RALYL: variants seen among roughly 807,000 people sequenced by gnomAD.
RALYL encodes the protein RALY RNA binding protein like, also known as RNA-binding Raly-like protein.
RALYL carries 29 observed loss-of-function variants against 35.1 expected under a neutral mutation model. The ratio of observed to expected loss-of-function variants is 0.83; its 90% CI spans 0.61 to 1.13. The LOEUF is 1.13. Among genes scored for constraint, RALYL ranks in the 50% most tolerant of loss-of-function variants. The pLI is 0.00. For synonymous variants in RALYL, 120 were observed against 127.6 expected, an observed-to-expected ratio of 0.94 and a Z score of 0.40; for missense variants, 359 against 360.4, an observed-to-expected ratio of 1.00 and a Z score of 0.03.
intron 4 of RALYL, among the ~76,000 whole-genome samples, chr8:84,841,486 C>A (rs916508175): frequency 9.9e-5 from 15 of 152,140 alleles, no homozygotes; most frequent in African/African-American, 2.9e-4. Flanking sequence ...TAGAGACCTA[C>A]AAAGAGACTT....
At chr8:84,900,097 A>C (rs1845412389) in intron 8 of RALYL, among the ~76,000 whole-genome samples, 2 of 152,170 alleles carry the variant, frequency 1.3e-5, no homozygotes, top group Admixed American at 1.3e-4. Flanking sequence ...CATGATGTTA[A>C]AAGCCAAATA....
At chr8:84,249,836 G>A (rs1323642531) in intron 1 of RALYL, among the ~76,000 whole-genome samples, 1 of 150,606 alleles carries the variant, frequency 6.6e-6, no homozygotes, top group Non-Finnish European at 1.5e-5. Context: ...ATAAATAATA[G>A]TACCTGGAGT....
chr8:84,824,343 G>A (rs1452078017), intron 4 of RALYL, among the ~76,000 whole-genome samples: 1 of 151,194 alleles, frequency 6.6e-6, no homozygotes, highest in African/African-American at 2.4e-5. Context: ...ACAAAACACT[G>A]TTCAAAGAAA....
At chr8:84,401,728 T>G (rs1463350974) in intron 1 of RALYL, among the ~76,000 whole-genome samples, 1 of 143,674 alleles carries the variant, frequency 7.0e-6, no homozygotes, top group Non-Finnish European at 1.5e-5. Context: ...ATGCAGTACA[T>G]CAGAGAATAT....
At chr8:84,405,309 C>A (rs1410897744) in intron 1 of RALYL, among the ~76,000 whole-genome samples, 1 of 151,970 alleles carries the variant, frequency 6.6e-6, no homozygotes, top group African/African-American at 2.4e-5. Flanking sequence ...ACTAGAGAAG[C>A]AAGAGTAAAC....
intron 2 of RALYL, among the ~76,000 whole-genome samples, chr8:84,666,164 C>A (rs1831991641): frequency 6.6e-6 from 1 of 151,950 alleles, no homozygotes; most frequent in African/African-American, 2.4e-5. Context: ...CATGAAGAGT[C>A]AGCTTTAAGT....
chr8:84,724,028 C>T (rs991122097), intron 2 of RALYL, among the ~76,000 whole-genome samples: 2 of 151,650 alleles, frequency 1.3e-5, no homozygotes, highest in African/African-American at 2.4e-5. Context: ...ATTTGATGAA[C>T]AAATAAATGA....
chr8:84,649,832 C>T (rs1429936931), intron 2 of RALYL, among the ~76,000 whole-genome samples: 1 of 152,062 alleles, frequency 6.6e-6, no homozygotes, highest in Non-Finnish European at 1.5e-5. Context: ...TCATTGGTAG[C>T]TTGATGGGGA....
intron 2 of RALYL, among the ~76,000 whole-genome samples, chr8:84,755,726 A>G (rs944801986): frequency 1.3e-5 from 2 of 152,036 alleles, no homozygotes; most frequent in Middle Eastern, 3.2e-3. Context: ...AAAGGTGATA[A>G]TAGAATTATG....
At chr8:84,746,856 T>A (rs1331080558) in intron 2 of RALYL, among the ~76,000 whole-genome samples, 1 of 152,030 alleles carries the variant, frequency 6.6e-6, no homozygotes, top group South Asian at 2.1e-4. Context: ...CTGTCTAAGT[T>A]TTTTATGTAG....
intron 1 of RALYL, among the ~76,000 whole-genome samples, chr8:84,205,121 G>A (rs1817761809): frequency 6.6e-6 from 1 of 152,020 alleles, no homozygotes; most frequent in Non-Finnish European, 1.5e-5. Flanking sequence ...TACAAATATG[G>A]CCCTTTCGTT....
At position 84,311,090 on chromosome 8, in the gene RALYL, A is replaced by AAAAATAT. The variant is rs1554614840; in HGVS notation, c.-24+126667_-24+126668insAAATATA. 5.7e-4 allele frequency among the ~76,000 whole-genome samples: 57 copies of AAAAATAT among 99,766 alleles called. 4 individuals carry two copies. Among genetic ancestry groups the AAAAATAT allele is most frequent in the East Asian group, 2.1e-3 (6 of 2,856 alleles). 65.5% of individuals were successfully genotyped at this position (99,766 alleles called of 152,430 possible). ...AAAAAAAAAAAAAAAAAAAAAAAAA[A>AAAAATAT]ATGTATATTAATGTATAGTATAAAT... On this transcript the variant is annotated intron_variant, in intron 1 of 8. Coordinates refer to ENST00000521268, the MANE Select transcript of RALYL (RefSeq NM_173848.7).
intron 1 of RALYL, among the ~76,000 whole-genome samples, chr8:84,385,960 G>A (rs942122420): frequency 6.6e-6 from 1 of 151,704 alleles, no homozygotes; most frequent in Non-Finnish European, 1.5e-5. Context: ...GCCTGTCAAG[G>A]TGGCTTTATT....
intron 1 of RALYL, among the ~76,000 whole-genome samples, chr8:84,215,429 T>A (rs1315658929): frequency 6.6e-6 from 1 of 152,136 alleles, no homozygotes; most frequent in African/African-American, 2.4e-5. Context: ...AATGTAAAAA[T>A]TCTTATATTT....
chr8:84,301,591 A>G (rs1035105156), intron 1 of RALYL, among the ~76,000 whole-genome samples: 5 of 150,330 alleles, frequency 3.3e-5, no homozygotes, highest in African/African-American at 1.2e-4. Context: ...TGGGAGAATT[A>G]TGATTGCTCT....
At chr8:84,647,108 A>C (rs1046453563) in intron 2 of RALYL, among the ~76,000 whole-genome samples, 6 of 152,004 alleles carry the variant, frequency 3.9e-5, no homozygotes, top group Non-Finnish European at 5.9e-5. Context: ...GGGAGATTCA[A>C]GCTCAGGACG....
At chr8:84,491,488 C>T (rs894835477) in intron 1 of RALYL, among the ~76,000 whole-genome samples, 10 of 151,960 alleles carry the variant, frequency 6.6e-5, no homozygotes, top group African/African-American at 1.7e-4. Context: ...ATGTCCTTAA[C>T]ATGGAATTTC....
intron 1 of RALYL, among the ~76,000 whole-genome samples, chr8:84,277,941 C>G (rs1363612717): frequency 6.6e-6 from 1 of 152,202 alleles, no homozygotes; most frequent in Admixed American, 6.5e-5. Context: ...ACAGTGCAAG[C>G]TGCCAGTGGA....
chr8:84,664,269 T>TTTC lies in RALYL; in HGVS notation c.257-110308_257-110307insCTT, dbSNP rs565958652. ...GTGAGTGTGATGCCTCTAGATTTTT[T>TTTC]TTTTTTTTTTTTTTTTTTCGCTTTG... On this transcript the variant is annotated intron_variant, in intron 2 of 8. Coordinates refer to ENST00000521268, the MANE Select transcript of RALYL (RefSeq NM_173848.7). Among the ~76,000 whole-genome samples the TTTC allele has an allele frequency of 2.4e-4, 36 of 149,038 alleles. No individual in the cohort carries two copies. In the South Asian group the frequency reaches 7.5e-3, roughly 31 times the overall value.
Sources: gnomAD v4.1 joint callset for allele counts (sites outside exome capture counted in the v4.1 genomes callset) on GRCh38, gnomAD v4.1.1 for gene constraint, MANE v1.5 for transcripts, NCBI Gene and HGNC (gene_info 2026-07-23, HGNC 2026-07-21) for gene names.